Variants in HEXA observed in about 807,000 individuals in gnomAD.
The protein encoded by HEXA is hexosaminidase subunit alpha, also known as beta-hexosaminidase subunit alpha.
A neutral mutation model predicts 73.3 loss-of-function variants in HEXA; 54 were observed. That is an observed-to-expected ratio of 0.74 (90% CI 0.59 to 0.92). The LOEUF (loss-of-function observed/expected upper bound fraction) is 0.92, where lower values mean the gene tolerates loss of function less well. HEXA is among the 40% of genes least tolerant of loss of function. HEXA has a pLI of 0.00. For missense variants in HEXA, 649 were observed against 653.0 expected (o/e 0.99, Z 0.07); for synonymous variants, 230 against 246.9 (o/e 0.93, Z 0.64).
rs765667778 is a variant in HEXA, at chr15:72,356,586, C to A, written c.285G>T (p.Leu95Phe). The change falls in exon 2 of 14, where the codon TTG becomes TTT. Residue 95 changes from leucine to phenylalanine, a missense_variant. Leu to Phe is a conservative substitution (Grantham distance 22). Coordinates refer to ENST00000268097, the MANE Select transcript of HEXA (RefSeq NM_000520.6). ...GKRHTLEKNV[L>F]VVSVVTPGCN... is the part of the protein sequence containing the mutation. ...ATCCAGGTGTGACTACAGAGACAACCAACACATTCTTCTCCAGTGTATGCC... is the reference window on the plus strand; with the variant it reads ...ATCCAGGTGTGACTACAGAGACAACAAACACATTCTTCTCCAGTGTATGCC... The A allele has an allele frequency of 1.9e-6, 3 of 1,614,084 alleles. No individual in the cohort carries two copies. The Admixed American group carries it at 5.0e-5, about 27-fold the overall frequency.
At chr15:72,354,898 C>T (rs1595802918) in intron 3 of HEXA, 1 of 153,838 alleles carries the variant, frequency 6.5e-6, no homozygotes, top group Non-Finnish European at 1.4e-5. Flanking sequence ...TCATTTTCTC[C>T]AGAAATAATG....
chr15:72,355,618 A>C lies in HEXA; in HGVS notation c.353T>G (p.Leu118Arg). The C allele has an allele frequency of 6.2e-7, 1 of 1,609,024 alleles. No individual in the cohort carries two copies. The highest frequency in any genetic ancestry group is 1.3e-5 in the African/African-American group (1 of 74,922). The change falls in exon 3 of 14, where the codon CTG becomes CGG. Residue 118 changes from leucine (L) to arginine (R), a missense_variant. Coordinates refer to ENST00000268097, the MANE Select transcript of HEXA (RefSeq NM_000520.6). The part of the protein sequence containing the change: ...PTLESVENYT[L>R]TINDDQCLLL... ...TAAACACTGGTCATCATTTATGGTC[A>C]GGGTATCTGAAATGACAGAAATGAA...
chr15:72,369,689 C>T (rs2088963475), intron 1 of HEXA, among the ~76,000 whole-genome samples: 1 of 152,168 alleles, frequency 6.6e-6, no homozygotes, highest in African/African-American at 2.4e-5. Flanking sequence ...AGGCATGAGA[C>T]ACCATGCCCA....
At position 72,376,009 on chromosome 15, in the gene HEXA, C is replaced by G; in HGVS notation, c.-37G>C. ...CTCCCCTCTCGGAGGGGGCTGGCCA[C>G]GTGAGACCCTGGTCAGGTGAGCGGC... is the stretch of plus-strand genomic sequence containing the variant. On this transcript the variant is annotated 5_prime_UTR_variant, in exon 1 of 14. Transcript: ENST00000268097. 6.2e-7 allele frequency: 1 copy of G among 1,607,814 alleles called. No individual in the cohort carries two copies. Among genetic ancestry groups the G allele is most frequent in the Non-Finnish European group, 8.5e-7 (1 of 1,179,892 alleles).
Position 72,342,950 on chromosome 15 carries a change from G to C in HEXA, c.*1127C>G, listed in dbSNP as rs1239903378. The C allele has an allele frequency of 6.6e-6, 1 of 152,338 alleles. No individual in the cohort carries two copies. The highest frequency in any genetic ancestry group is 1.5e-5 in the Non-Finnish European group (1 of 68,168). The allele number at this position is 152,338 out of a possible 1,614,324, so 9.4% of individuals were successfully genotyped here. On this transcript the variant is annotated 3_prime_UTR_variant, in exon 14 of 14. Coordinates refer to ENST00000268097, the MANE Select transcript of HEXA (RefSeq NM_000520.6). Reference sequence around the variant, plus strand: ...AAAATAGATGAATTCGGCCGGGCGCGGTGGCTCACGCCTGTAATCCCAGCA... The same window carrying C: ...AAAATAGATGAATTCGGCCGGGCGCCGTGGCTCACGCCTGTAATCCCAGCA...
intron 1 of HEXA, chr15:72,357,933 A>C (rs1354999191): frequency 1.3e-5 from 2 of 152,236 alleles, no homozygotes; most frequent in Non-Finnish European, 2.9e-5. Flanking sequence ...TACATTCTGC[A>C]AAGAGGAGGG....
At chr15:72,348,957 G>A in intron 8 of HEXA, 122 bp downstream of exon 8, 1 of 822,632 alleles carries the variant, frequency 1.2e-6, no homozygotes. Flanking sequence ...TAAGACCTGA[G>A]CAATGTGAGC....
At position 72,345,529 on chromosome 15, in the gene HEXA, G is replaced by A. The variant is rs140091006; in HGVS notation, c.1443C>T (p.Ala481=). ...TCAACTTGTTGCTCCACAGCCTTTC[G>A]GCAACAGCCCCTGCTCTGGGCCTGG... ...PRLWPRAGAV[A]ERLWSNKLTS... Residue 481 remains alanine (A), a synonymous_variant, in exon 13 of 14, where the codon GCC becomes GCT. Coordinates refer to ENST00000268097, the MANE Select transcript of HEXA (RefSeq NM_000520.6). 5.1e-5 allele frequency: 83 copies of A among 1,614,196 alleles called. No individual in the cohort carries two copies. In the African/African-American group the frequency reaches 5.2e-4, roughly 10 times the overall value.
At chr15:72,368,992 A>C (rs1412906947) in intron 1 of HEXA, among the ~76,000 whole-genome samples, 1 of 152,218 alleles carries the variant, frequency 6.6e-6, no homozygotes, top group African/African-American at 2.4e-5. Flanking sequence ...ACAGCTGACA[A>C]ACACCCATAC....
In HEXA at chr15:72,353,151, C is replaced by T; in HGVS notation, c.487G>A (p.Asp163Asn). Residue 163 changes from aspartate to asparagine, a missense_variant, in exon 5 of 14, where the codon GAC becomes AAC. By Grantham distance (23) the Asp-to-Asn change is conservative. Transcript: ENST00000268097. ...TFFINKTEIEDFPRFPHRGLL... is the reference protein window; with the variant it reads ...TFFINKTEIENFPRFPHRGLL... ...CCCCGGTGAGGAAAGCGGGGAAAGTCCTCAATCTCAGTCTTGTTGATAAAG... is the reference window on the plus strand; with the variant it reads ...CCCCGGTGAGGAAAGCGGGGAAAGTTCTCAATCTCAGTCTTGTTGATAAAG... The T allele has an allele frequency of 6.2e-7, 1 of 1,612,482 alleles. No individual in the cohort carries two copies. Among genetic ancestry groups the T allele is most frequent in the Non-Finnish European group, 8.5e-7 (1 of 1,178,566 alleles).
intron 1 of HEXA, among the ~76,000 whole-genome samples, chr15:72,371,550 C>A (rs1244726912): frequency 5.5e-5 from 8 of 144,736 alleles, no homozygotes; most frequent in African/African-American, 1.9e-4. Flanking sequence ...TGTGCCACTG[C>A]ACTCCAGACT....
rs768562754 is a variant in HEXA at position 72,343,702 on chromosome 15, A to G, written c.*375T>C. 12 of 310,428 alleles carry G rather than the reference A, an allele frequency of 3.9e-5. No homozygotes were observed. The highest frequency in any genetic ancestry group is 7.6e-5 in the Non-Finnish European group (12 of 157,228). The allele number at this position is 310,428 out of a possible 1,614,324, so 19.2% of individuals were successfully genotyped here. A position where few individuals can be genotyped will look rare whatever the true frequency, so the allele number is the denominator to read the frequency against. Reference sequence around the variant, plus strand: ...CTGAGGATTAGGGCAGGTGTCTGGAATATGGTCAGGAGTGGGAGGGGAGTG... The same window carrying G: ...CTGAGGATTAGGGCAGGTGTCTGGAGTATGGTCAGGAGTGGGAGGGGAGTG... On this transcript the variant is annotated 3_prime_UTR_variant, in exon 14 of 14. Transcript: ENST00000268097.
Position 72,355,816 on chromosome 15 carries a change from G to A in HEXA, c.347-192C>T, listed in dbSNP as rs558144309. 1.2e-4 allele frequency: 78 copies of A among 626,006 alleles called. 2 individuals are homozygous for A. The highest frequency in any genetic ancestry group is 1.2e-3 in the South Asian group (77 of 63,908). The allele number at this position is 626,006 out of a possible 1,614,324, so 38.8% of individuals were successfully genotyped here. ...GATGGCCTGGTCTGGGGCCAGAGTG[G>A]GAGGGTGGTCACCACAGTGACTCTG... On this transcript the variant is annotated intron_variant, in intron 2 of 13. Coordinates refer to ENST00000268097, the MANE Select transcript of HEXA (RefSeq NM_000520.6).
intron 1 of HEXA, chr15:72,358,796 A>G (rs2088817040): frequency 6.6e-6 from 1 of 152,234 alleles, no homozygotes; most frequent in African/African-American, 2.4e-5. Flanking sequence ...GAGCTGGCAA[A>G]ACAGGAGGGA....
At chr15:72,357,149 A>G (rs2088796027) in intron 1 of HEXA, 1 of 226,746 alleles carries the variant, frequency 4.4e-6, no homozygotes, top group African/African-American at 2.2e-5. Context: ...ATTCTGGTAC[A>G]TATGCTTCTT....
rs767271183 is a variant in HEXA at position 72,348,009 on chromosome 15, AC to A, written c.1073+38del. On this transcript the variant is annotated intron_variant, in intron 9 of 13. Coordinates refer to ENST00000268097, the MANE Select transcript of HEXA (RefSeq NM_000520.6). ...TGGAAAGGGAGGACCCCACAGGAGGACCCCCAAGGGACCCCACCCACCCTCC... is the reference window on the plus strand; with the variant it reads ...TGGAAAGGGAGGACCCCACAGGAGGACCCCAAGGGACCCCACCCACCCTCC... 2.0e-5 allele frequency: 28 copies of A among 1,379,358 alleles called. No individual in the cohort carries two copies. The South Asian group carries it at 3.3e-4, about 16-fold the overall frequency. The allele number at this position is 1,379,358 out of a possible 1,614,324, so 85.4% of individuals were successfully genotyped here. A position where few individuals can be genotyped will look rare whatever the true frequency, so the allele number is the denominator to read the frequency against.
chr15:72,345,951 T>G, intron 12 of HEXA: 1 of 546,970 alleles, frequency 1.8e-6, no homozygotes, highest in Non-Finnish European at 3.3e-6. Flanking sequence ...TTGTGCTGGG[T>G]CTTGAGCAAC....
chr15:72,362,505 A>C, intron 1 of HEXA: 1 of 455,730 alleles, frequency 2.2e-6, no homozygotes, highest in Non-Finnish European at 4.4e-6. Flanking sequence ...AAAAATGCAT[A>C]TTTTATGATT....
intron 1 of HEXA, among the ~76,000 whole-genome samples, chr15:72,373,804 G>T (rs1168397449): frequency 6.6e-6 from 1 of 152,170 alleles, no homozygotes; most frequent in South Asian, 2.1e-4. Flanking sequence ...TTTGAGACCA[G>T]CCTGGCCAAC....
Sources: allele counts gnomAD v4.1 joint callset (sites outside exome capture counted in the v4.1 genomes callset), GRCh38; gene constraint gnomAD v4.1.1; transcripts MANE v1.5; gene names NCBI Gene and HGNC (gene_info 2026-07-23, HGNC 2026-07-21).